The following SMURF2 variants were observed in gnomAD, a reference collection of about 807,000 sequenced individuals.
The protein encoded by SMURF2 is E3 ubiquitin-protein ligase SMURF2.
In SMURF2, 48 loss-of-function variants were observed where a neutral mutation model predicts 109.6. The observed-to-expected ratio is 0.44, with a 90% CI of 0.35 to 0.56. The LOEUF is 0.56. Ranked by LOEUF, SMURF2 falls within the 20% of genes least tolerant of loss-of-function variation. The pLI is 0.01. For synonymous variants in SMURF2, 288 were observed against 317.1 expected (o/e 0.91, Z 0.97); for missense variants, 575 against 909.0 (o/e 0.63, Z 4.72).
intron 1 of SMURF2, among the ~76,000 whole-genome samples, chr17:64,655,725 C>CA (rs932819003): frequency 3.3e-5 from 5 of 150,932 alleles, no homozygotes; most frequent in Middle Eastern, 3.2e-3. Context: ...CATCTCCACC[C>CA]AAAAAAAATA....
At chr17:64,613,713 T>TGTGTGTGA (rs1568195570) in intron 1 of SMURF2, among the ~76,000 whole-genome samples, 7 of 130,066 alleles carry the variant, frequency 5.4e-5, no homozygotes, top group Admixed American at 2.3e-4. Context: ...TGTGTGTGTG[T>TGTGTGTGA]GTGTGTGTGT....
At chr17:64,561,374 C>A in intron 12 of SMURF2, 126 bp downstream of exon 12, 1 of 650,494 alleles carries the variant, frequency 1.5e-6, no homozygotes, top group South Asian at 1.9e-5. Context: ...TTAGGATATC[C>A]TCAGTGATAC....
chr17:64,574,939 A>G (rs1555685915), intron 9 of SMURF2, among the ~76,000 whole-genome samples: 1 of 152,220 alleles, frequency 6.6e-6, no homozygotes, highest in Non-Finnish European at 1.5e-5. Flanking sequence ...GTTAAAAAAA[A>G]TGATCATTGT....
chr17:64,622,808 C>A (rs1379022314), intron 1 of SMURF2, among the ~76,000 whole-genome samples: 5 of 152,146 alleles, frequency 3.3e-5, no homozygotes, highest in African/African-American at 1.2e-4. Context: ...TGTCACTATA[C>A]AAAACCCACA....
chr17:64,634,881 C>T (rs1348000216), intron 1 of SMURF2, among the ~76,000 whole-genome samples: 1 of 151,996 alleles, frequency 6.6e-6, no homozygotes, highest in Non-Finnish European at 1.5e-5. Flanking sequence ...TTTAAGAGCA[C>T]AGAATTGGGT....
At chr17:64,556,027 T>C (rs782001687) in intron 13 of SMURF2, 29 bp from the exon 14 acceptor site, 1 of 1,501,188 alleles carries the variant, frequency 6.7e-7, no homozygotes, top group South Asian at 1.3e-5. Flanking sequence ...TATATACTCG[T>C]TAGGCACTAC....
In SMURF2 at chr17:64,579,276, GGTTTT is replaced by G. The variant is rs1318864904; in HGVS notation, c.773-705_773-701del. Among the ~76,000 whole-genome samples the G allele has an allele frequency of 7.3e-5, 11 of 151,698 alleles. No homozygotes were observed. In the East Asian group the frequency reaches 7.7e-4, roughly 11 times the overall value. Reference sequence around the variant, plus strand: ...TCTCTAAAAGGGTTTCTTTATGGTGGGTTTTGTTTTGTCTTTTTTTTTTAGAACAA... The same window carrying G: ...TCTCTAAAAGGGTTTCTTTATGGTGGGTTTTGTCTTTTTTTTTTAGAACAA... On this transcript the variant is annotated intron_variant, in intron 8 of 18. Coordinates refer to ENST00000262435, the MANE Select transcript of SMURF2 (RefSeq NM_022739.4).
intron 1 of SMURF2, among the ~76,000 whole-genome samples, chr17:64,622,729 T>A (rs1375484508): frequency 6.6e-6 from 1 of 152,194 alleles, no homozygotes; most frequent in African/African-American, 2.4e-5. Context: ...GCTAAAGTAG[T>A]GTTTGTCAAG....
At chr17:64,605,744 A>AATATATATATAT (rs71158333) in intron 2 of SMURF2, among the ~76,000 whole-genome samples, 1,398 of 98,948 alleles carry the variant, frequency 0.014, 19 homozygotes, top group Non-Finnish European at 0.016. Context: ...CTCTAAAAAG[A>AATATATATATAT]ATATATATAT....
At chr17:64,556,229 T>A (rs1289787826) in intron 13 of SMURF2, among the ~76,000 whole-genome samples, 2 of 152,158 alleles carry the variant, frequency 1.3e-5, no homozygotes, top group Admixed American at 6.5e-5. Flanking sequence ...AGTCATTTTG[T>A]AAATTTTATC....
Position 64,545,737 on chromosome 17 carries a change from G to GAA in SMURF2, c.*110_*111insTT, listed in dbSNP as rs1968942578. The GAA allele has an allele frequency of 3.0e-6, 1 of 338,460 alleles. No individual in the cohort carries two copies. Among genetic ancestry groups the GAA allele is most frequent in the African/African-American group, 3.0e-5 (1 of 33,734 alleles). The allele number at this position is 338,460 out of a possible 1,614,324, so 21.0% of individuals were successfully genotyped here. A position where few individuals can be genotyped will look rare whatever the true frequency, so the allele number is the denominator to read the frequency against. The stretch of plus-strand genomic sequence containing the variant: ...AATGTAAAAAAAAAAAAAAAAAGGG[G>GAA]GGGGGGGGGAGTGTTTTCCTGTATT... On this transcript the variant is annotated 3_prime_UTR_variant, in exon 19 of 19. Transcript: ENST00000262435.
chr17:64,568,070 G>C (rs1555685211), intron 10 of SMURF2, among the ~76,000 whole-genome samples: 1 of 152,004 alleles, frequency 6.6e-6, no homozygotes, highest in African/African-American at 2.4e-5. Context: ...TAGCCAGGAT[G>C]GTCTCGATCT....
At chr17:64,550,974 T>C (rs1555683561) in intron 16 of SMURF2, among the ~76,000 whole-genome samples, 1 of 152,130 alleles carries the variant, frequency 6.6e-6, no homozygotes. Flanking sequence ...AATAGACATA[T>C]ATTGGAAGAA....
At chr17:64,568,305 TAAG>T (rs1439535519) in intron 10 of SMURF2, among the ~76,000 whole-genome samples, 1 of 152,162 alleles carries the variant, frequency 6.6e-6, no homozygotes, top group Non-Finnish European at 1.5e-5. Flanking sequence ...TAATGGTTTT[TAAG>T]AAGGTTTACC....
At chr17:64,632,563 C>T (rs1189872723) in intron 1 of SMURF2, among the ~76,000 whole-genome samples, 1 of 152,224 alleles carries the variant, frequency 6.6e-6, no homozygotes, top group Non-Finnish European at 1.5e-5. Flanking sequence ...ATTCAAAACA[C>T]ATAGTCAGCC....
chr17:64,554,735 T>C, intron 15 of SMURF2, 121 bp downstream of exon 15: 1 of 887,424 alleles, frequency 1.1e-6, no homozygotes, highest in Non-Finnish European at 1.7e-6. Context: ...AATAAGCCAC[T>C]AAATTCTCCT....
At chr17:64,580,396 AAT>A (rs1165144458) in intron 8 of SMURF2, among the ~76,000 whole-genome samples, 5 of 152,216 alleles carry the variant, frequency 3.3e-5, no homozygotes, top group African/African-American at 1.2e-4. Context: ...ATTATTTCTA[AAT>A]ATATATGTCT....
At chr17:64,570,242 G>A (rs1356789097) in intron 10 of SMURF2, among the ~76,000 whole-genome samples, 1 of 152,096 alleles carries the variant, frequency 6.6e-6, no homozygotes, top group Non-Finnish European at 1.5e-5. Context: ...TATTATTTTT[G>A]TTGTGTTTTT....
rs1187809527 is a variant in SMURF2, at chr17:64,545,709, TA to T, written c.*138del. ...ATTGTCCTTTCCCCTCACAGTGTCC[TA>T]AAATGTAAAAAAAAAAAAAAAAAGG... On this transcript the variant is annotated 3_prime_UTR_variant, in exon 19 of 19. Coordinates refer to ENST00000262435, the MANE Select transcript of SMURF2 (RefSeq NM_022739.4). 1 of 451,356 alleles carries T rather than the reference TA, an allele frequency of 2.2e-6. No individual in the cohort carries two copies. The highest frequency in any genetic ancestry group is 3.7e-6 in the Non-Finnish European group (1 of 268,744). 28.0% of individuals were successfully genotyped at this position (451,356 alleles called of 1,614,324 possible).
Sources: allele counts gnomAD v4.1 joint callset (sites outside exome capture counted in the v4.1 genomes callset), GRCh38; gene constraint gnomAD v4.1.1; transcripts MANE v1.5; gene names NCBI Gene and HGNC (gene_info 2026-07-23, HGNC 2026-07-21).